MARCHF1: variants seen among roughly 807,000 people sequenced by gnomAD.
MARCHF1 encodes E3 ubiquitin-protein ligase MARCHF1.
Under a neutral mutation model 54.2 loss-of-function variants are expected in MARCHF1, and 40 were observed. The ratio of observed to expected loss-of-function variants is 0.74; its 90% CI spans 0.57 to 0.96. The LOEUF (loss-of-function observed/expected upper bound fraction) is 0.96. Ranked by LOEUF, MARCHF1 falls within the 40% of genes least tolerant of loss-of-function variation. MARCHF1 has a pLI of 0.00. For missense variants in MARCHF1, 586 were observed against 656.5 expected (o/e 0.89, Z 1.17); for synonymous variants, 236 against 236.3 (o/e 1.00, Z 0.01).
chr4:164,183,681 G>A (rs1292213992), intron 1 of MARCHF1, among the ~76,000 whole-genome samples: 1 of 152,074 alleles, frequency 6.6e-6, no homozygotes, highest in Non-Finnish European at 1.5e-5. Context: ...CATAGTGCTG[G>A]GTGATGCAGC....
chr4:164,006,224 T>G (rs1190213026), intron 2 of MARCHF1, among the ~76,000 whole-genome samples: 2 of 152,114 alleles, frequency 1.3e-5, no homozygotes, highest in African/African-American at 2.4e-5. Flanking sequence ...GATAACACAG[T>G]AAAGCAATTC....
intron 3 of MARCHF1, among the ~76,000 whole-genome samples, chr4:163,872,855 T>C (rs796453557): frequency 1.3e-3 from 201 of 151,660 alleles, no homozygotes; most frequent in African/African-American, 4.5e-3. Flanking sequence ...CCATCCTGGC[T>C]AACACAGTGA....
intron 3 of MARCHF1, among the ~76,000 whole-genome samples, chr4:163,943,977 G>GT (rs1007142875): frequency 1.1e-4 from 17 of 150,638 alleles, no homozygotes; most frequent in Middle Eastern, 3.4e-3. Flanking sequence ...TTTTTGTTTT[G>GT]TTTTTTTTGA....
In MARCHF1 at chr4:164,076,136, TAACAACAACAAC is replaced by T. The variant is rs57287504; in HGVS notation, c.-248+35440_-248+35451del. The stretch of plus-strand genomic sequence containing the variant: ...CAAAGAATTCAAACAAATAATTTTC[TAACAACAACAAC>T]AACAACAACAACAACAACAACAACA... On this transcript the variant is annotated intron_variant, in intron 2 of 9. Coordinates refer to ENST00000514618, the MANE Select transcript of MARCHF1 (RefSeq NM_001394959.1). Among the ~76,000 whole-genome samples the T allele has an allele frequency of 2.0e-4, 30 of 150,356 alleles. 1 individual carries two copies. The highest frequency in any genetic ancestry group is 2.7e-4 in the African/African-American group (11 of 40,808).
chr4:163,990,462 G>C (rs1465827482), intron 2 of MARCHF1, among the ~76,000 whole-genome samples: 1 of 152,098 alleles, frequency 6.6e-6, no homozygotes, highest in African/African-American at 2.4e-5. Context: ...AGTTCATATA[G>C]AGACAAATCT....
intron 1 of MARCHF1, among the ~76,000 whole-genome samples, chr4:164,365,387 A>G (rs1030046854): frequency 1.3e-5 from 2 of 152,050 alleles, no homozygotes; most frequent in African/African-American, 4.8e-5. Flanking sequence ...GTAGAAATTG[A>G]TATGTGTTGG....
At chr4:164,021,838 A>C (rs1367208743) in intron 2 of MARCHF1, among the ~76,000 whole-genome samples, 1 of 142,866 alleles carries the variant, frequency 7.0e-6, no homozygotes, top group African/African-American at 2.5e-5. Context: ...TGGGCAACAA[A>C]AGTGAACCTC....
At chr4:163,955,490 C>T (rs1752214697) in intron 3 of MARCHF1, among the ~76,000 whole-genome samples, 1 of 152,040 alleles carries the variant, frequency 6.6e-6, no homozygotes, top group Admixed American at 6.6e-5. Context: ...TATTCTCTCA[C>T]AACTCATACA....
chr4:164,244,696 T>C (rs1259836252), intron 1 of MARCHF1, among the ~76,000 whole-genome samples: 2 of 151,016 alleles, frequency 1.3e-5, no homozygotes, highest in African/African-American at 2.4e-5. Flanking sequence ...ATCAACAAAA[T>C]TGATAGACTG....
chr4:163,867,203 A>G (rs1560795307), intron 3 of MARCHF1, among the ~76,000 whole-genome samples: 1 of 151,936 alleles, frequency 6.6e-6, no homozygotes, highest in Admixed American at 6.6e-5. Context: ...ATAAACTATC[A>G]GTTGTGGTCT....
At chr4:163,534,684 A>G (rs1738471004) in intron 9 of MARCHF1, among the ~76,000 whole-genome samples, 1 of 152,098 alleles carries the variant, frequency 6.6e-6, no homozygotes, top group South Asian at 2.1e-4. Context: ...TATACCAGGC[A>G]TTTATCATTA....
At chr4:164,177,574 G>C (rs1039276890) in intron 1 of MARCHF1, among the ~76,000 whole-genome samples, 1 of 151,866 alleles carries the variant, frequency 6.6e-6, no homozygotes, top group African/African-American at 2.4e-5. Context: ...CCTCTAACAA[G>C]GTAGGTTTTT....
At chr4:164,117,261 A>C (rs1464902832) in intron 1 of MARCHF1, among the ~76,000 whole-genome samples, 1 of 152,084 alleles carries the variant, frequency 6.6e-6, no homozygotes, top group Non-Finnish European at 1.5e-5. Flanking sequence ...CAGTCTCAAA[A>C]AAATAAAAAA....
At chr4:164,277,733 A>G (rs186794102) in intron 1 of MARCHF1, among the ~76,000 whole-genome samples, 1 of 152,236 alleles carries the variant, frequency 6.6e-6, no homozygotes, top group South Asian at 2.1e-4. Context: ...TATTTTAACA[A>G]ATTATATTTC....
At chr4:164,272,182 A>T (rs1733760507) in intron 1 of MARCHF1, among the ~76,000 whole-genome samples, 1 of 152,064 alleles carries the variant, frequency 6.6e-6, no homozygotes, top group Non-Finnish European at 1.5e-5. Flanking sequence ...GTTAAAGTAT[A>T]AACTGATACA....
intron 2 of MARCHF1, among the ~76,000 whole-genome samples, chr4:164,089,693 A>C (rs1188866496): frequency 6.6e-6 from 1 of 152,028 alleles, no homozygotes; most frequent in African/African-American, 2.4e-5. Context: ...AGATCCTTGG[A>C]TCCTCAAGAT....
At chr4:163,591,124 T>C (rs1292282826) in intron 7 of MARCHF1, among the ~76,000 whole-genome samples, 3 of 151,834 alleles carry the variant, frequency 2.0e-5, no homozygotes. Flanking sequence ...TTATTAACAG[T>C]CTATGACCAC....
intron 8 of MARCHF1, among the ~76,000 whole-genome samples, chr4:163,566,608 C>T (rs893264409): frequency 6.6e-6 from 1 of 152,088 alleles, no homozygotes; most frequent in Non-Finnish European, 1.5e-5. Flanking sequence ...CCACCATCTA[C>T]AATAAAGGCC....
intron 2 of MARCHF1, among the ~76,000 whole-genome samples, chr4:164,032,498 G>C (rs1490439499): frequency 1.3e-5 from 2 of 152,126 alleles, no homozygotes. Context: ...ACTTAACACT[G>C]CTTTAGCTGT....
Sources: allele counts gnomAD v4.1 joint callset (sites outside exome capture counted in the v4.1 genomes callset), GRCh38; gene constraint gnomAD v4.1.1; transcripts MANE v1.5; gene names NCBI Gene and HGNC (gene_info 2026-07-23, HGNC 2026-07-21).